The following LARP4 variants were observed in gnomAD, a reference collection of about 807,000 sequenced individuals.
LARP4 encodes the protein la-related protein 4.
LARP4 carries 29 observed loss-of-function variants against 92.9 expected under a neutral mutation model. The ratio of observed to expected loss-of-function variants is 0.31; its 90% CI spans 0.23 to 0.43. LARP4 has a LOEUF of 0.43. Ranked by LOEUF, LARP4 falls within the 20% of genes least tolerant of loss-of-function variation. The probability of loss-of-function intolerance (pLI) is 1.00; values close to 1 mark genes in which losing one functional copy is unlikely to be tolerated. For missense variants in LARP4, 732 were observed against 860.0 expected (o/e 0.85, Z 1.86); for synonymous variants, 279 against 284.1 (o/e 0.98, Z 0.18).
intron 1 of LARP4, among the ~76,000 whole-genome samples, chr12:50,408,187 C>CTTTTTTTT (rs71083565): frequency 2.9e-5 from 2 of 69,260 alleles, no homozygotes; most frequent in African/African-American, 6.2e-5. Flanking sequence ...GGATTTTCTG[C>CTTTTTTTT]TTTTTTTTTT....
intron 8 of LARP4, among the ~76,000 whole-genome samples, chr12:50,442,809 C>G (rs1361277708): frequency 2.0e-5 from 3 of 152,216 alleles, no homozygotes; most frequent in Non-Finnish European, 4.4e-5. Context: ...AGTGGAAGAA[C>G]TAGGATAACA....
At chr12:50,436,932 C>T (rs1950538751) in intron 5 of LARP4, among the ~76,000 whole-genome samples, 1 of 152,080 alleles carries the variant, frequency 6.6e-6, no homozygotes, top group South Asian at 2.1e-4. Flanking sequence ...CAGAGGATTA[C>T]AAACATTTAT....
At chr12:50,435,977 G>A (rs1480281363) in intron 5 of LARP4, among the ~76,000 whole-genome samples, 4 of 91,264 alleles carry the variant, frequency 4.4e-5, no homozygotes, top group Admixed American at 1.4e-4. Flanking sequence ...TGGGGTCTTG[G>A]TATGTTCCCC....
chr12:50,417,301 G>A (rs1395653949), intron 1 of LARP4, among the ~76,000 whole-genome samples: 1 of 151,488 alleles, frequency 6.6e-6, no homozygotes, highest in Non-Finnish European at 1.5e-5. Context: ...CTTGAACCCA[G>A]GAGACAGAGG....
chr12:50,407,228 A>G (rs1038934871), intron 1 of LARP4, among the ~76,000 whole-genome samples: 2 of 148,762 alleles, frequency 1.3e-5, no homozygotes, highest in East Asian at 2.0e-4. Flanking sequence ...GTTTCACCAT[A>G]TTGGTCAGGC....
intron 13 of LARP4, among the ~76,000 whole-genome samples, chr12:50,472,121 A>G (rs1957000012): frequency 6.6e-6 from 1 of 152,046 alleles, no homozygotes; most frequent in Non-Finnish European, 1.5e-5. Context: ...TGAAATTTTT[A>G]TTTTATCCAT....
chr12:50,429,593 CAT>C (rs1949335970), intron 3 of LARP4, among the ~76,000 whole-genome samples: 1 of 152,084 alleles, frequency 6.6e-6, no homozygotes, highest in Non-Finnish European at 1.5e-5. Context: ...CTACTTTGAA[CAT>C]AGAGTTGAAG....
Position 50,461,887 on chromosome 12 carries a change from G to A in LARP4, c.1334+540G>A, listed in dbSNP as rs561848776. Among the ~76,000 whole-genome samples the A allele has an allele frequency of 3.3e-5, 5 of 152,248 alleles. No individual in the cohort carries two copies. The South Asian group carries it at 1.0e-3, about 32-fold the overall frequency. On this transcript the variant is annotated intron_variant, in intron 11 of 15. Coordinates refer to ENST00000398473, the MANE Select transcript of LARP4 (RefSeq NM_052879.5). ...GTAGGAGAATCACTTGAACCCAGGA[G>A]GCAGAGGTTGCAGTGAGCCAAGGTT... is the stretch of plus-strand genomic sequence containing the variant.
chr12:50,469,643 G>A lies in LARP4; in HGVS notation c.1545+2523G>A, dbSNP rs1219502548. Among the ~76,000 whole-genome samples the A allele has an allele frequency of 2.7e-5, 4 of 150,038 alleles. 1 individual carries two copies. The Admixed American group carries it at 2.7e-4, about 10-fold the overall frequency. On this transcript the variant is annotated intron_variant, in intron 13 of 15. Transcript: ENST00000398473. ...AAAAAAGTAAAGGCGGGGCACAGTGGCTCAAGCCTGTAATCCCCGCACTTT... is the reference window on the plus strand; with the variant it reads ...AAAAAAGTAAAGGCGGGGCACAGTGACTCAAGCCTGTAATCCCCGCACTTT...
chr12:50,450,799 C>A (rs1036892500), intron 8 of LARP4, among the ~76,000 whole-genome samples: 2 of 152,174 alleles, frequency 1.3e-5, no homozygotes, highest in African/African-American at 4.8e-5. Flanking sequence ...TTGTGCCTGG[C>A]TGCCTTGTCT....
intron 10 of LARP4, among the ~76,000 whole-genome samples, chr12:50,459,291 G>T (rs1382202730): frequency 6.6e-6 from 1 of 152,000 alleles, no homozygotes; most frequent in Non-Finnish European, 1.5e-5. Context: ...GAGCCACCAT[G>T]CCCGGCTGAG....
In LARP4 at chr12:50,400,935, C is replaced by T. The variant is rs1297442088; in HGVS notation, c.-76C>T. The T allele has an allele frequency of 3.7e-6, 6 of 1,603,180 alleles. No homozygotes were observed. The highest frequency in any genetic ancestry group is 1.1e-5 in the South Asian group (1 of 90,898). On this transcript the variant is annotated 5_prime_UTR_variant, in exon 1 of 16. Coordinates refer to ENST00000398473, the MANE Select transcript of LARP4 (RefSeq NM_052879.5). ...GGCAAGGCGAGTGTGTGTCCTTATC[C>T]TAGCAATTGGGGCGCGGGCCTGTGA...
chr12:50,409,022 T>G (rs900788632), intron 1 of LARP4, among the ~76,000 whole-genome samples: 2 of 151,936 alleles, frequency 1.3e-5, no homozygotes, highest in African/African-American at 4.8e-5. Context: ...AAATGTAAAT[T>G]TATAGGGCAG....
At chr12:50,470,883 T>G (rs762003891) in intron 13 of LARP4, among the ~76,000 whole-genome samples, 1 of 152,196 alleles carries the variant, frequency 6.6e-6, no homozygotes, top group Non-Finnish European at 1.5e-5. Context: ...TTTTCTTGCC[T>G]CATTCTGCAT....
At chr12:50,459,395 T>A (rs1954912354) in intron 10 of LARP4, among the ~76,000 whole-genome samples, 1 of 152,246 alleles carries the variant, frequency 6.6e-6, no homozygotes, top group South Asian at 2.1e-4. Context: ...AGTTTCTGCC[T>A]GTGAAAATTT....
chr12:50,445,699 T>C (rs1459013016), intron 8 of LARP4, among the ~76,000 whole-genome samples: 2 of 152,204 alleles, frequency 1.3e-5, no homozygotes, highest in Non-Finnish European at 2.9e-5. Flanking sequence ...AACTTTTCTT[T>C]TGCTGTCCCC....
chr12:50,452,761 C>CT (rs1953459852), intron 8 of LARP4, among the ~76,000 whole-genome samples: 1 of 152,040 alleles, frequency 6.6e-6, no homozygotes. Context: ...AGCCGTTTGC[C>CT]TTTTTTTGTT....
chr12:50,420,822 A>C (rs1416890118), intron 1 of LARP4: 1 of 152,206 alleles, frequency 6.6e-6, no homozygotes, highest in Non-Finnish European at 1.5e-5. Flanking sequence ...TCCGAGATGC[A>C]AGAAAGAACG....
chr12:50,468,544 G>T (rs992293390), intron 13 of LARP4, among the ~76,000 whole-genome samples: 2 of 148,108 alleles, frequency 1.4e-5, no homozygotes, highest in Non-Finnish European at 3.0e-5. Context: ...TGATCCGCCC[G>T]TCTCGGCCTC....
Sources: gnomAD v4.1 joint callset for allele counts (sites outside exome capture counted in the v4.1 genomes callset) on GRCh38, gnomAD v4.1.1 for gene constraint, MANE v1.5 for transcripts, NCBI Gene and HGNC (gene_info 2026-07-23, HGNC 2026-07-21) for gene names.